Variants in TCERG1L observed in about 807,000 individuals in gnomAD.
TCERG1L encodes transcription elongation regulator 1 like, also known as transcription elongation regulator 1-like protein.
Under a neutral mutation model 56.3 loss-of-function variants are expected in TCERG1L, and 37 were observed. The ratio of observed to expected loss-of-function variants is 0.66; its 90% CI spans 0.51 to 0.87. The LOEUF is 0.87. Among genes scored for constraint, TCERG1L ranks in the 40% least tolerant of loss-of-function variants. TCERG1L has a pLI of 0.00. For missense variants in TCERG1L, 799 were observed against 774.2 expected (o/e 1.03, Z -0.38); for synonymous variants, 324 against 326.3 (o/e 0.99, Z 0.08).
chr10:131,271,602 G>T (rs561343364), intron 3 of TCERG1L, among the ~76,000 whole-genome samples: 35 of 152,370 alleles, frequency 2.3e-4, no homozygotes, highest in African/African-American at 6.7e-4. Flanking sequence ...ACTAAGCTGG[G>T]AATTATGCCC....
At chr10:131,123,613 T>C (rs55738334) in intron 8 of TCERG1L, among the ~76,000 whole-genome samples, 62,156 of 151,854 alleles carry the variant, frequency 0.41, 13,307 homozygotes, top group Admixed American at 0.55. Context: ...CCCAGGGACA[T>C]GGGAGCCCAG....
Position 131,309,522 on chromosome 10 carries a change from ATTC to A in TCERG1L, c.343-226_343-224del, listed in dbSNP as rs539569379. ...CATCACAAAGCATTACCAACATTGCATTCTTCAATACTGAAAAAGAACTTCTAA... is the reference window on the plus strand; with the variant it reads ...CATCACAAAGCATTACCAACATTGCATTCAATACTGAAAAAGAACTTCTAA... On this transcript the variant is annotated intron_variant, in intron 1 of 11. Transcript: ENST00000368642. Among the ~76,000 whole-genome samples the A allele has an allele frequency of 2.8e-3, 433 of 152,356 alleles. 1 individual carries two copies. The highest frequency in any genetic ancestry group is 0.01 in the African/African-American group (416 of 41,584).
intron 6 of TCERG1L, among the ~76,000 whole-genome samples, chr10:131,147,025 C>A (rs1845802487): frequency 6.6e-6 from 1 of 152,016 alleles, no homozygotes; most frequent in African/African-American, 2.4e-5. Flanking sequence ...CGCCTCCTGG[C>A]CCTGGTTCCG....
chr10:131,217,247 G>A (rs1845679350), intron 4 of TCERG1L, among the ~76,000 whole-genome samples: 1 of 151,952 alleles, frequency 6.6e-6, no homozygotes, highest in Admixed American at 6.6e-5. Flanking sequence ...ACAGTGTGTG[G>A]CCCCTCCCCT....
intron 3 of TCERG1L, among the ~76,000 whole-genome samples, chr10:131,263,908 A>G (rs1318308795): frequency 6.6e-6 from 1 of 152,168 alleles, no homozygotes; most frequent in Admixed American, 6.5e-5. Flanking sequence ...TGGGCCTCTG[A>G]GTGAGCGCAA....
Position 131,285,404 on chromosome 10 carries a change from A to T in TCERG1L, c.670+22807T>A, listed in dbSNP as rs532694175. 5.6e-5 allele frequency among the ~76,000 whole-genome samples: 7 copies of T among 124,080 alleles called. No homozygotes were observed. In the South Asian group the frequency reaches 2.1e-3, roughly 37 times the overall value. The allele number at this position is 124,080 out of a possible 152,430, so 81.4% of individuals were successfully genotyped here. The stretch of plus-strand genomic sequence containing the variant: ...AAAAAGGAAAGAAAGAAAAGAAAGG[A>T]AGGAAGGAAAGAGAGAGAGAGAGAA... On this transcript the variant is annotated intron_variant, in intron 3 of 11. Transcript: ENST00000368642.
chr10:131,263,932 T>C (rs1846258460), intron 3 of TCERG1L, among the ~76,000 whole-genome samples: 1 of 152,136 alleles, frequency 6.6e-6, no homozygotes, highest in Non-Finnish European at 1.5e-5. Flanking sequence ...TTAAAGTCCT[T>C]GCTGGGAAGT....
chr10:131,152,303 T>A (rs1845874080), intron 6 of TCERG1L, among the ~76,000 whole-genome samples: 1 of 152,154 alleles, frequency 6.6e-6, no homozygotes, highest in Admixed American at 6.5e-5. Context: ...AAATCATCTC[T>A]CTCAAGTTCA....
chr10:131,238,066 C>T (rs901732840), intron 4 of TCERG1L, among the ~76,000 whole-genome samples: 3 of 152,172 alleles, frequency 2.0e-5, no homozygotes, highest in Non-Finnish European at 4.4e-5. Flanking sequence ...AGGAACCCTC[C>T]GTGACCTCAG....
intron 9 of TCERG1L, among the ~76,000 whole-genome samples, chr10:131,109,049 C>G (rs996722098): frequency 6.6e-6 from 1 of 151,616 alleles, no homozygotes; most frequent in African/African-American, 2.4e-5. Flanking sequence ...GAGGACCACC[C>G]AGGATGAGCA....
chr10:131,260,474 AG>A lies in TCERG1L; in HGVS notation c.671-31del. The A allele has an allele frequency of 7.3e-7, 1 of 1,372,570 alleles. No individual in the cohort carries two copies. 85.0% of individuals were successfully genotyped at this position (1,372,570 alleles called of 1,614,324 possible). On this transcript the variant is annotated intron_variant, in intron 3 of 11. Coordinates refer to ENST00000368642, the MANE Select transcript of TCERG1L (RefSeq NM_174937.4). The surrounding 1 kb of genome is among the most constrained non-coding windows in gnomAD (Gnocchi z 5.8). ...GGAAGAGGGATGCAGAGGGTCAGCA[AG>A]GGGACGACCAGGGCCATGGGTGACA...
In TCERG1L at chr10:131,260,492, T is replaced by C. The variant is rs762008292; in HGVS notation, c.671-48A>G. 2 of 1,349,268 alleles carry C rather than the reference T, an allele frequency of 1.5e-6. No homozygotes were observed. The highest frequency in any genetic ancestry group is 1.9e-6 in the Non-Finnish European group (2 of 1,046,876). The allele number at this position is 1,349,268 out of a possible 1,614,324, so 83.6% of individuals were successfully genotyped here. ...GTCAGCAAGGGGACGACCAGGGCCA[T>C]GGGTGACAGATGCCCATCTCGCTAC... On this transcript the variant is annotated intron_variant, in intron 3 of 11. Transcript: ENST00000368642. This position sits in a 1 kb window ranked among gnomAD's most constrained non-coding sequence, Gnocchi z 5.8.
chr10:131,183,386 G>C (rs1308613389), intron 4 of TCERG1L, among the ~76,000 whole-genome samples: 2 of 152,186 alleles, frequency 1.3e-5, no homozygotes, highest in Non-Finnish European at 2.9e-5. Context: ...GAAGGTTCTT[G>C]TCTGAGATTT....
At chr10:131,264,364 C>T (rs1846264951) in intron 3 of TCERG1L, among the ~76,000 whole-genome samples, 1 of 152,222 alleles carries the variant, frequency 6.6e-6, no homozygotes, top group South Asian at 2.1e-4. Flanking sequence ...GAAGACCACC[C>T]ACCCACAGGA....
intron 3 of TCERG1L, among the ~76,000 whole-genome samples, chr10:131,290,556 A>T (rs1370869): frequency 6.7e-6 from 1 of 150,076 alleles, no homozygotes; most frequent in Non-Finnish European, 1.5e-5. Flanking sequence ...GCTTGAACCC[A>T]CGAGGCGGAG....
chr10:131,238,228 C>T lies in TCERG1L; in HGVS notation c.856+22031G>A, dbSNP rs118158056. Among the ~76,000 whole-genome samples, 4 of 152,308 alleles carry T rather than the reference C, an allele frequency of 2.6e-5. No homozygotes were observed. In the East Asian group the frequency reaches 5.8e-4, roughly 22 times the overall value. ...AGGAAACGGCCCCCACGTGCTGTTC[C>T]GTTGTGCAGCCATCTCGTTAAGGAA... On this transcript the variant is annotated intron_variant, in intron 4 of 11. Coordinates refer to ENST00000368642, the MANE Select transcript of TCERG1L (RefSeq NM_174937.4).
chr10:131,300,877 G>A (rs79094019), intron 3 of TCERG1L, among the ~76,000 whole-genome samples: 3,005 of 152,006 alleles, frequency 0.02, 77 homozygotes, highest in East Asian at 0.076. Flanking sequence ...AGCTGTTAGT[G>A]AATGCAATTT....
chr10:131,287,868 G>C (rs965047933), intron 3 of TCERG1L, among the ~76,000 whole-genome samples: 1 of 152,232 alleles, frequency 6.6e-6, no homozygotes, highest in Non-Finnish European at 1.5e-5. Context: ...CAGCTGGCGA[G>C]TGACAGGCCA....
intron 3 of TCERG1L, among the ~76,000 whole-genome samples, chr10:131,294,214 T>C (rs1846665010): frequency 6.6e-6 from 1 of 152,188 alleles, no homozygotes; most frequent in African/African-American, 2.4e-5. Flanking sequence ...GGCTTTGGAA[T>C]GCAACAGCAG....
Sources: allele counts gnomAD v4.1 joint callset (sites outside exome capture counted in the v4.1 genomes callset), GRCh38; gene constraint gnomAD v4.1.1; non-coding constraint Gnocchi (gnomAD v3.1); transcripts MANE v1.5; gene names NCBI Gene and HGNC (gene_info 2026-07-23, HGNC 2026-07-21).